The following TANC1 variants were observed in gnomAD, a reference collection of about 807,000 sequenced individuals.
TANC1 encodes protein TANC1.
In TANC1, 77 loss-of-function variants were observed where a neutral mutation model predicts 149.7. That is an observed-to-expected ratio of 0.51 (90% CI 0.43 to 0.62). The LOEUF (loss-of-function observed/expected upper bound fraction) is 0.62. Among genes scored for constraint, TANC1 ranks in the 20% least tolerant of loss-of-function variants. The pLI is 0.00. For missense variants in TANC1, 1,985 were observed against 2,321.8 expected, an observed-to-expected ratio of 0.85 and a Z score of 2.98; for synonymous variants, 854 against 925.0, an observed-to-expected ratio of 0.92 and a Z score of 1.39.
chr2:158,981,491 TTATATATATATATATATATATATATA>T lies in TANC1; in HGVS notation c.-126+12736_-126+12761del, dbSNP rs10602195. Among the ~76,000 whole-genome samples, 116 of 34,358 alleles carry T rather than the reference TTATATATATATATATATATATATATA, an allele frequency of 3.4e-3. 3 individuals are homozygous for T. The highest frequency in any genetic ancestry group is 6.1e-3 in the Admixed American group (15 of 2,442). 22.5% of individuals were successfully genotyped at this position (34,358 alleles called of 152,430 possible). On this transcript the variant is annotated intron_variant, in intron 1 of 26. Coordinates refer to ENST00000263635, the MANE Select transcript of TANC1 (RefSeq NM_033394.3). Reference sequence around the variant, plus strand: ...AAGTTTAGCAATTAATATATAGCTTTTATATATATATATATATATATATATATATATATATATATATATATATATAT... The same window carrying T: ...AAGTTTAGCAATTAATATATAGCTTTTATATATATATATATATATATATAT...
At chr2:159,048,852 A>C (rs1457684482) in intron 2 of TANC1, among the ~76,000 whole-genome samples, 1 of 152,110 alleles carries the variant, frequency 6.6e-6, no homozygotes, top group Admixed American at 6.6e-5. Context: ...GCTGGTCTTG[A>C]ACTCTTGGCC....
chr2:159,015,350 C>T (rs1000801483), intron 2 of TANC1, among the ~76,000 whole-genome samples: 1 of 152,166 alleles, frequency 6.6e-6, no homozygotes, highest in Non-Finnish European at 1.5e-5. Flanking sequence ...AGGGCAACAA[C>T]TCCCTAGGCT....
intron 1 of TANC1, among the ~76,000 whole-genome samples, chr2:158,993,980 A>G (rs1454130724): frequency 1.3e-5 from 2 of 152,230 alleles, no homozygotes; most frequent in Non-Finnish European, 2.9e-5. Flanking sequence ...AAAAATTTAA[A>G]TCATTTTAAT....
intron 2 of TANC1, among the ~76,000 whole-genome samples, chr2:159,044,425 G>GA (rs1225257575): frequency 6.6e-6 from 1 of 152,118 alleles, no homozygotes; most frequent in East Asian, 1.9e-4. Context: ...GTGACAGCAT[G>GA]AAACCCTGTC....
chr2:159,201,863 G>A (rs1265175736), intron 19 of TANC1, among the ~76,000 whole-genome samples: 6 of 152,302 alleles, frequency 3.9e-5, no homozygotes, highest in East Asian at 3.9e-4. Context: ...GAGCTTCCTC[G>A]TCTGTTTTGA....
intron 3 of TANC1, among the ~76,000 whole-genome samples, chr2:159,076,272 G>T (rs1380954658): frequency 6.6e-6 from 1 of 152,190 alleles, no homozygotes; most frequent in Admixed American, 6.5e-5. Flanking sequence ...TGAAGTCGCT[G>T]ATGGTGAAAC....
chr2:159,186,201 C>T (rs2056956151), intron 15 of TANC1, among the ~76,000 whole-genome samples: 1 of 152,150 alleles, frequency 6.6e-6, no homozygotes, highest in Non-Finnish European at 1.5e-5. Flanking sequence ...CCACTTTGTT[C>T]ATTACTTTTT....
intron 4 of TANC1, among the ~76,000 whole-genome samples, chr2:159,098,424 A>C: frequency 6.6e-6 from 1 of 152,334 alleles, no homozygotes; most frequent in East Asian, 1.9e-4. Flanking sequence ...AAAATCACCT[A>C]ATGACGCCTG....
chr2:159,121,682 GTT>G (rs747374140), intron 4 of TANC1, among the ~76,000 whole-genome samples: 4 of 152,198 alleles, frequency 2.6e-5, no homozygotes, highest in Non-Finnish European at 4.4e-5. Context: ...GATGTTAATG[GTT>G]TAGGAATTTG....
At chr2:158,992,771 C>T (rs921565013) in intron 1 of TANC1, among the ~76,000 whole-genome samples, 8 of 151,226 alleles carry the variant, frequency 5.3e-5, no homozygotes, top group Non-Finnish European at 1.0e-4. Context: ...CCACCCGCCT[C>T]GGCTTCCCAA....
At chr2:159,019,448 A>G (rs996447125) in intron 2 of TANC1, among the ~76,000 whole-genome samples, 8 of 152,156 alleles carry the variant, frequency 5.3e-5, no homozygotes, top group South Asian at 4.1e-4. Context: ...AACCTAATTC[A>G]GTTAAAGACA....
At chr2:159,121,540 G>A (rs999411920) in intron 4 of TANC1, among the ~76,000 whole-genome samples, 2 of 152,128 alleles carry the variant, frequency 1.3e-5, no homozygotes, top group Non-Finnish European at 2.9e-5. Flanking sequence ...CGCCATGTTG[G>A]CCATGTCTCA....
intron 16 of TANC1, among the ~76,000 whole-genome samples, chr2:159,187,635 G>A (rs1243076512): frequency 2.0e-5 from 3 of 152,238 alleles, no homozygotes; most frequent in South Asian, 4.2e-4. Flanking sequence ...AGGCCAAGCA[G>A]CCTGTTAAGG....
chr2:159,143,621 A>G (rs2051712248), intron 5 of TANC1, among the ~76,000 whole-genome samples: 1 of 151,574 alleles, frequency 6.6e-6, no homozygotes. Context: ...GCTGGGTATC[A>G]GAGAAGAATT....
intron 3 of TANC1, among the ~76,000 whole-genome samples, chr2:159,089,318 T>A (rs190158142): frequency 6.6e-6 from 1 of 152,326 alleles, no homozygotes; most frequent in East Asian, 1.9e-4. Context: ...TAGTTAGATA[T>A]TTTACTAGGG....
chr2:159,117,664 G>A (rs919651945), intron 4 of TANC1, among the ~76,000 whole-genome samples: 1 of 148,108 alleles, frequency 6.8e-6, no homozygotes, highest in Non-Finnish European at 1.5e-5. Context: ...CCAAAGTGCT[G>A]GGATTACAGG....
At chr2:159,023,514 G>A (rs1435321404) in intron 2 of TANC1, among the ~76,000 whole-genome samples, 1 of 151,654 alleles carries the variant, frequency 6.6e-6, no homozygotes, top group Non-Finnish European at 1.5e-5. Flanking sequence ...GTACTTTTTT[G>A]TATTTTTGGA....
At chr2:159,227,794 A>G (rs1330159593) in intron 24 of TANC1, 25 bp from the exon 25 acceptor site, 2 of 1,612,728 alleles carry the variant, frequency 1.2e-6, no homozygotes, top group Admixed American at 1.7e-5. Flanking sequence ...AAAAAGGACA[A>G]ATGTTTGTGA....
chr2:159,225,987 A>C, intron 24 of TANC1: 1 of 597,866 alleles, frequency 1.7e-6, no homozygotes, highest in Non-Finnish European at 3.0e-6. Flanking sequence ...TTCCAGACCA[A>C]CCTGGCCAAT....
Sources: gnomAD v4.1 joint callset for allele counts (sites outside exome capture counted in the v4.1 genomes callset) on GRCh38, gnomAD v4.1.1 for gene constraint, MANE v1.5 for transcripts, NCBI Gene and HGNC (gene_info 2026-07-23, HGNC 2026-07-21) for gene names.